The following EIF2S2 variants were observed in gnomAD, a reference collection of about 807,000 sequenced individuals.
EIF2S2 encodes the protein eukaryotic translation initiation factor 2 subunit beta, also known as eukaryotic translation initiation factor 2 subunit 2.
Under a neutral mutation model 44.0 loss-of-function variants are expected in EIF2S2, and 4 were observed. The ratio of observed to expected loss-of-function variants is 0.09; its 90% CI spans 0.04 to 0.21. EIF2S2 has a LOEUF of 0.21. Among genes scored for constraint, EIF2S2 ranks in the 10% least tolerant of loss-of-function variants. The pLI is 1.00. For missense variants in EIF2S2, 154 were observed against 392.0 expected (o/e 0.39, Z 5.13); for synonymous variants, 108 against 128.3 (o/e 0.84, Z 1.07).
intron 6 of EIF2S2, among the ~76,000 whole-genome samples, chr20:34,094,317 G>A (rs112218412): frequency 5.3e-5 from 8 of 152,230 alleles, no homozygotes; most frequent in South Asian, 2.1e-4. Flanking sequence ...CTTCCTCTGG[G>A]AAGGAAAAAG....
At chr20:34,091,790 C>A in intron 7 of EIF2S2, among the ~76,000 whole-genome samples, 2 of 111,672 alleles carry the variant, frequency 1.8e-5, no homozygotes, top group Non-Finnish European at 3.6e-5. Context: ...GGGGGGGGGT[C>A]CAAGGGTGGA....
chr20:34,103,700 A>T, intron 2 of EIF2S2, 135 bp from the exon 3 acceptor site: 1 of 1,268,452 alleles, frequency 7.9e-7, no homozygotes, highest in Non-Finnish European at 1.0e-6. Flanking sequence ...CAATCACAAA[A>T]CTTATGGTTC....
Position 34,103,951 on chromosome 20 carries a change from C to T in EIF2S2, c.194-386G>A, listed in dbSNP as rs537071150. On this transcript the variant is annotated intron_variant, in intron 2 of 8. Coordinates refer to ENST00000374980, the MANE Select transcript of EIF2S2 (RefSeq NM_003908.5). ...GTCTCGCTCTCCTGACTTCATGATC[C>T]GCCTGCCTCAGCCTCCCAAAGTGCT... is the stretch of plus-strand genomic sequence containing the variant. 5.1e-4 allele frequency among the ~76,000 whole-genome samples: 78 copies of T among 152,184 alleles called. 1 individual carries two copies. The South Asian group carries it at 0.013, about 26-fold the overall frequency.
chr20:34,105,289 G>T, intron 2 of EIF2S2, 79 bp downstream of exon 2: 1 of 1,480,406 alleles, frequency 6.8e-7, no homozygotes, highest in Non-Finnish European at 9.2e-7. Flanking sequence ...CTGAGAGGTC[G>T]CTGCATATCC....
At chr20:34,106,278 G>A (rs2034348518) in intron 1 of EIF2S2, among the ~76,000 whole-genome samples, 1 of 152,026 alleles carries the variant, frequency 6.6e-6, no homozygotes, top group Non-Finnish European at 1.5e-5. Flanking sequence ...AGAGACTTGA[G>A]AGACTTTTGA....
Position 34,112,214 on chromosome 20 carries a change from T to G in EIF2S2, c.-104A>C, listed in dbSNP as rs1277453614. On this transcript the variant is annotated 5_prime_UTR_variant, in exon 1 of 9. Coordinates refer to ENST00000374980, the MANE Select transcript of EIF2S2 (RefSeq NM_003908.5). ...GCCGATACCTCTCCCACCACCGCAC[T>G]AGGCTCTTGCATCAGCGAAAGGAAA... The G allele has an allele frequency of 1.7e-5, 21 of 1,269,158 alleles. No individual in the cohort carries two copies. The highest frequency in any genetic ancestry group is 2.1e-5 in the Non-Finnish European group (20 of 949,126). The allele number at this position is 1,269,158 out of a possible 1,614,324, so 78.6% of individuals were successfully genotyped here.
rs148582691 is a variant in EIF2S2, at chr20:34,097,441, G to A, written c.509C>T (p.Ser170Leu). The change falls in exon 5 of 9, where the codon TCA becomes TTA. Residue 170 changes from serine (S) to leucine (L), a missense_variant. Physicochemically the swap from Ser to Leu is moderately radical, Grantham distance 145. Around this residue, in one of 2 missense-constraint regions of EIF2S2, gnomAD observed 134 missense variants for 225.0 expected, o/e 0.60. Coordinates refer to ENST00000374980, the MANE Select transcript of EIF2S2 (RefSeq NM_003908.5). Reference sequence around the variant, plus strand: ...CTCCTCGTATGTGTAGTCTCTTTCTGAGCCTGCCCAAGCAGGGCCTGTCTG... The same window carrying A: ...CTCCTCGTATGTGTAGTCTCTTTCTAAGCCTGCCCAAGCAGGGCCTGTCTG... Reference protein sequence around the residue: ...SNQTGPAWAGSERDYTYEELL... With the variant: ...SNQTGPAWAGLERDYTYEELL... 2 of 1,613,536 alleles carry A rather than the reference G, an allele frequency of 1.2e-6. No individual in the cohort carries two copies. The highest frequency in any genetic ancestry group is 1.7e-6 in the Non-Finnish European group (2 of 1,179,842).
chr20:34,088,315 A>C lies in EIF2S2; in HGVS notation c.*1415T>G, dbSNP rs1446072145. 1 of 152,672 alleles carries C rather than the reference A, an allele frequency of 6.5e-6. No homozygotes were observed. Among genetic ancestry groups the C allele is most frequent in the East Asian group, 1.9e-4 (1 of 5,202 alleles). 9.5% of individuals were successfully genotyped at this position (152,672 alleles called of 1,614,324 possible). A position where few individuals can be genotyped will look rare whatever the true frequency, so the allele number is the denominator to read the frequency against. ...AAAAGCAATGGAGCGTTAATTACAT[A>C]AGAGGCACTGATCCTTGCTTTATTC... On this transcript the variant is annotated 3_prime_UTR_variant, in exon 9 of 9. Transcript: ENST00000374980.
At chr20:34,111,859 C>A (rs971801155) in intron 1 of EIF2S2, among the ~76,000 whole-genome samples, 5 of 152,254 alleles carry the variant, frequency 3.3e-5, no homozygotes, top group African/African-American at 4.8e-5. Flanking sequence ...CTCTCCATTC[C>A]GGAAACGCCA....
intron 7 of EIF2S2, among the ~76,000 whole-genome samples, chr20:34,092,501 T>C (rs2034177924): frequency 1.3e-5 from 2 of 152,108 alleles, no homozygotes; most frequent in Admixed American, 6.6e-5. Flanking sequence ...AAACCTCGTC[T>C]ACTAAAAATA....
chr20:34,100,775 G>T (rs2034286471), intron 3 of EIF2S2, among the ~76,000 whole-genome samples: 1 of 152,190 alleles, frequency 6.6e-6, no homozygotes, highest in Non-Finnish European at 1.5e-5. Flanking sequence ...TCAAGTGATG[G>T]AATGGAATGG....
At chr20:34,095,331 GAC>G (rs2034215294) in intron 6 of EIF2S2, among the ~76,000 whole-genome samples, 3 of 60,810 alleles carry the variant, frequency 4.9e-5, no homozygotes, top group African/African-American at 6.2e-5. Flanking sequence ...TTTTTTTTTT[GAC>G]AGAGTCTCAC....
chr20:34,109,920 C>A (rs1258390409), intron 1 of EIF2S2, among the ~76,000 whole-genome samples: 1 of 150,442 alleles, frequency 6.6e-6, no homozygotes, highest in African/African-American at 2.4e-5. Flanking sequence ...ATAGTGAGAC[C>A]CCGTCTCTAC....
At chr20:34,095,701 T>C (rs145752826) in intron 6 of EIF2S2, among the ~76,000 whole-genome samples, 1 of 152,226 alleles carries the variant, frequency 6.6e-6, no homozygotes, top group African/African-American at 2.4e-5. Context: ...AATGAGTATA[T>C]ACTACTATTG....
At chr20:34,098,260 A>C (rs1459979269) in intron 4 of EIF2S2, among the ~76,000 whole-genome samples, 1 of 152,152 alleles carries the variant, frequency 6.6e-6, no homozygotes, top group East Asian at 1.9e-4. Flanking sequence ...AAAAAAAAAA[A>C]AATCCGGTTA....
rs552836789 is a variant in EIF2S2, at chr20:34,100,015, T to A, written c.298-1382A>T. Among the ~76,000 whole-genome samples, 14 of 152,174 alleles carry A rather than the reference T, an allele frequency of 9.2e-5. 1 individual carries two copies. Among genetic ancestry groups the A allele is most frequent in the African/African-American group, 3.4e-4 (14 of 41,500 alleles). ...TGACCAATTGATTACATTATTTACT[T>A]CTTATTATTATTATTTTGAGACTGA... On this transcript the variant is annotated intron_variant, in intron 3 of 8. Transcript: ENST00000374980.
At position 34,105,544 on chromosome 20, in the gene EIF2S2, A is replaced by T; in HGVS notation, c.17T>A (p.Met6Lys). The stretch of plus-strand genomic sequence containing the variant: ...CTTGCTCATAGTAGGATCAAAAATC[A>T]TCTGTTTAAAAGACAAAAAACAAAA... MSGDE[M>K]IFDPTMSKKK... Residue 6 changes from methionine to lysine, a missense_variant and splice_region_variant, in exon 2 of 9, where the codon ATG becomes AAG. Met to Lys is a moderately conservative substitution (Grantham distance 95). This residue lies in a region of EIF2S2 where 134 missense variants were observed against 225.0 expected (regional missense o/e 0.60). Coordinates refer to ENST00000374980, the MANE Select transcript of EIF2S2 (RefSeq NM_003908.5). 1.3e-6 allele frequency: 2 copies of T among 1,564,120 alleles called. No homozygotes were observed. Among genetic ancestry groups the T allele is most frequent in the Non-Finnish European group, 1.7e-6 (2 of 1,159,538 alleles).
chr20:34,093,076 CATT>C (rs960027044), intron 7 of EIF2S2, among the ~76,000 whole-genome samples: 10 of 152,226 alleles, frequency 6.6e-5, no homozygotes, highest in Non-Finnish European at 1.2e-4. Flanking sequence ...CATTAGTCAT[CATT>C]ATCATGACCT....
At chr20:34,099,310 T>C (rs758619779) in intron 3 of EIF2S2, among the ~76,000 whole-genome samples, 5 of 150,842 alleles carry the variant, frequency 3.3e-5, no homozygotes, top group Non-Finnish European at 7.4e-5. Flanking sequence ...TGAGTTGAGA[T>C]CGTGCCACCG....
Sources: allele counts gnomAD v4.1 joint callset (sites outside exome capture counted in the v4.1 genomes callset), GRCh38; gene constraint gnomAD v4.1.1; regional missense constraint gnomAD v4.1.1; transcripts MANE v1.5; gene names NCBI Gene and HGNC (gene_info 2026-07-23, HGNC 2026-07-21).